Variants in CPTP observed in about 807,000 individuals in gnomAD.
The protein encoded by CPTP is GLTP domain-containing protein 1.
CPTP carries 5 observed loss-of-function variants against 5.7 expected under a neutral mutation model. The ratio of observed to expected loss-of-function variants is 0.88; its 90% CI spans 0.46 to 1.86. The LOEUF is 1.86. Among genes scored for constraint, CPTP ranks in the 40% most tolerant of loss-of-function variants. CPTP has a pLI of 0.01. For synonymous variants in CPTP, 166 were observed against 142.7 expected, an observed-to-expected ratio of 1.16 and a Z score of -1.16; for missense variants, 335 against 306.5, an observed-to-expected ratio of 1.09 and a Z score of -0.69.
At chr1:1,326,059 T>C (rs983629389) in intron 1 of CPTP, among the ~76,000 whole-genome samples, 2 of 151,660 alleles carry the variant, frequency 1.3e-5, no homozygotes, top group African/African-American at 4.9e-5. Context: ...ATCTGTGGAG[T>C]GACTATGTGA....
chr1:1,327,114 G>A (rs960855759), intron 2 of CPTP, 82 bp downstream of exon 2: 18 of 1,593,694 alleles, frequency 1.1e-5, no homozygotes, highest in Non-Finnish European at 1.4e-5. Context: ...CCGACTGCCT[G>A]TCCCCACCAG....
chr1:1,325,225 C>G (rs1643266204), intron 1 of CPTP, 123 bp downstream of exon 1: 1 of 152,464 alleles, frequency 6.6e-6, no homozygotes, highest in Non-Finnish European at 1.5e-5. Context: ...GTGCTCAGGC[C>G]GCCCTCGCGC....
At chr1:1,327,204 G>A in intron 2 of CPTP, 37 bp from the exon 3 acceptor site, 5 of 1,591,404 alleles carry the variant, frequency 3.1e-6, no homozygotes, top group South Asian at 1.1e-5. Context: ...GCTGCCCCAG[G>A]CCTGGGCGAG....
rs779768980 is a variant in CPTP, at chr1:1,327,585, G to A, written c.467G>A (p.Arg156His). The change falls in exon 3 of 3, where the codon CGC becomes CAC. Residue 156 changes from arginine to histidine, a missense_variant. By Grantham distance (29) the Arg-to-His change is conservative. Transcript: ENST00000343938. ...GCCTACCACCCCTGGGTCGTGCGCCGCGCCGTCACCGTGGCCTTCTGCACG... is the reference window on the plus strand; with the variant it reads ...GCCTACCACCCCTGGGTCGTGCGCCACGCCGTCACCGTGGCCTTCTGCACG... ...LAAYHPWVVR[R>H]AVTVAFCTLP... The A allele has an allele frequency of 4.1e-5, 66 of 1,608,446 alleles. No homozygotes were observed. Among genetic ancestry groups the A allele is most frequent in the East Asian group, 2.0e-4 (9 of 44,760 alleles).
chr1:1,327,193 G>A, intron 2 of CPTP, 48 bp from the exon 3 acceptor site: 1 of 1,587,330 alleles, frequency 6.3e-7, no homozygotes, highest in East Asian at 2.2e-5. Flanking sequence ...ACCCCAGGCG[G>A]GCTGCCCCAG....
Position 1,327,351 on chromosome 1 carries a change from G to C in CPTP, c.233G>C (p.Ser78Thr), listed in dbSNP as rs775464412. 1 of 1,598,578 alleles carries C rather than the reference G, an allele frequency of 6.3e-7. No individual in the cohort carries two copies. The highest frequency in any genetic ancestry group is 8.5e-7 in the Non-Finnish European group (1 of 1,179,246). ...GGCCCGCAGAGCGAGCACTACCGCA[G>C]CCTGCAGGCCATGGTGGCCCACGAG... Reference protein sequence around the residue: ...RGGPQSEHYRSLQAMVAHELS... With the variant: ...RGGPQSEHYRTLQAMVAHELS... Residue 78 changes from serine to threonine, a missense_variant, in exon 3 of 3, where the codon AGC (serine) becomes ACC (threonine). Physicochemically the swap from Ser to Thr is moderately conservative, Grantham distance 58. Transcript: ENST00000343938.
chr1:1,328,051 G>A lies in CPTP; in HGVS notation c.*288G>A, dbSNP rs1643349754. 3 of 503,216 alleles carry A rather than the reference G, an allele frequency of 6.0e-6. No homozygotes were observed. Among genetic ancestry groups the A allele is most frequent in the South Asian group, 2.5e-5 (1 of 40,112 alleles). The allele number at this position is 503,216 out of a possible 1,614,324, so 31.2% of individuals were successfully genotyped here. The stretch of plus-strand genomic sequence containing the variant: ...CCTCGCCAGGGTGCGGTGCAGAGCA[G>A]AGCAGGCAGGGGTGGGGGCCGGGCC... On this transcript the variant is annotated 3_prime_UTR_variant, in exon 3 of 3. Coordinates refer to ENST00000343938, the MANE Select transcript of CPTP (RefSeq NM_001029885.2).
Position 1,328,032 on chromosome 1 carries a change from C to T in CPTP, c.*269C>T. On this transcript the variant is annotated 3_prime_UTR_variant, in exon 3 of 3. Transcript: ENST00000343938. Reference sequence around the variant, plus strand: ...ACACGCGTGCGCAGCCAGGCCTCGCCAGGGTGCGGTGCAGAGCAGAGCAGG... The same window carrying T: ...ACACGCGTGCGCAGCCAGGCCTCGCTAGGGTGCGGTGCAGAGCAGAGCAGG... 1.8e-6 allele frequency: 1 copy of T among 551,192 alleles called. No individual in the cohort carries two copies. The highest frequency in any genetic ancestry group is 2.2e-5 in the South Asian group (1 of 46,020). 34.1% of individuals were successfully genotyped at this position (551,192 alleles called of 1,614,324 possible).
In CPTP at chr1:1,327,501, G is replaced by A; in HGVS notation, c.383G>A (p.Ser128Asn). 6.4e-7 allele frequency: 1 copy of A among 1,574,136 alleles called. No homozygotes were observed. The highest frequency in any genetic ancestry group is 1.7e-4 in the Middle Eastern group (1 of 6,024). Residue 128 changes from serine (S) to asparagine (N), a missense_variant, in exon 3 of 3, where the codon AGC becomes AAC. Physicochemically the swap from Ser to Asn is conservative, Grantham distance 46 (BLOSUM62 1). Coordinates refer to ENST00000343938, the MANE Select transcript of CPTP (RefSeq NM_001029885.2). ...CTGTTCCTGGAGGGCCTGCGTACCAGCCCCGAGGACGCACGCACCTCCGCG... is the reference window on the plus strand; with the variant it reads ...CTGTTCCTGGAGGGCCTGCGTACCAACCCCGAGGACGCACGCACCTCCGCG... ...LQLFLEGLRT[S>N]PEDARTSALC...
Position 1,325,012 on chromosome 1 carries a change from C to T in CPTP, c.-166C>T, listed in dbSNP as rs868501688. The T allele has an allele frequency of 1.5e-5, 3 of 195,166 alleles. No homozygotes were observed. The highest frequency in any genetic ancestry group is 3.1e-5 in the Non-Finnish European group (3 of 96,754). 12.1% of individuals were successfully genotyped at this position (195,166 alleles called of 1,614,324 possible). The stretch of plus-strand genomic sequence containing the variant: ...GGTCGGCCCCTCCCCAACACCACCC[C>T]GGGCCTCCGCCCCTTCCTGGGCCTC... On this transcript the variant is annotated 5_prime_UTR_variant, in exon 1 of 3. Coordinates refer to ENST00000343938, the MANE Select transcript of CPTP (RefSeq NM_001029885.2).
intron 1 of CPTP, among the ~76,000 whole-genome samples, 198 bp from the exon 2 acceptor site, chr1:1,326,638 C>G (rs1009810997): frequency 2.0e-5 from 3 of 152,180 alleles, no homozygotes; most frequent in African/African-American, 7.2e-5. Context: ...AGTCAGTGGC[C>G]TGATCCACAG....
chr1:1,327,887 G>T lies in CPTP; in HGVS notation c.*124G>T. The T allele has an allele frequency of 8.9e-7, 1 of 1,121,408 alleles. No individual in the cohort carries two copies. Among genetic ancestry groups the T allele is most frequent in the Non-Finnish European group, 1.3e-6 (1 of 781,862 alleles). 69.5% of individuals were successfully genotyped at this position (1,121,408 alleles called of 1,614,324 possible). A position where few individuals can be genotyped will look rare whatever the true frequency, so the allele number is the denominator to read the frequency against. On this transcript the variant is annotated 3_prime_UTR_variant, in exon 3 of 3. Transcript: ENST00000343938. ...GAACAGGAGATCCTCTGTCGCCCCT[G>T]TGAGCTGAGCTGGTTAGGAACCACA...
At position 1,327,670 on chromosome 1, in the gene CPTP, G is replaced by A. The variant is rs753111280; in HGVS notation, c.552G>A (p.Val184=). ...ACGTGGGGCCCCCGGAGCAGGCCGT[G>A]CAGATGCTAGGCGAGGCCCTCCCCT... ...AMNVGPPEQA[V]QMLGEALPFI... Residue 184 remains valine, a synonymous_variant, in exon 3 of 3, where the codon GTG becomes GTA. Coordinates refer to ENST00000343938, the MANE Select transcript of CPTP (RefSeq NM_001029885.2). The A allele has an allele frequency of 3.7e-6, 6 of 1,612,776 alleles. No individual in the cohort carries two copies. The South Asian group carries it at 4.4e-5, about 12-fold the overall frequency.
Position 1,327,833 on chromosome 1 carries a change from C to T in CPTP, c.*70C>T. The T allele has an allele frequency of 6.5e-7, 1 of 1,547,130 alleles. No individual in the cohort carries two copies. The highest frequency in any genetic ancestry group is 8.8e-7 in the Non-Finnish European group (1 of 1,137,754). On this transcript the variant is annotated 3_prime_UTR_variant, in exon 3 of 3. Transcript: ENST00000343938. ...GGCTGCGGTGGCCAGGGCCGTGAGT[C>T]CCGTGGCAGAGCCTTCTGGGCGCTG...
intron 1 of CPTP, among the ~76,000 whole-genome samples, chr1:1,325,826 T>C (rs1220186844): frequency 6.6e-6 from 1 of 152,130 alleles, no homozygotes; most frequent in Non-Finnish European, 1.5e-5. Context: ...CTGGGTGCCC[T>C]TCCCCCTCCC....
At position 1,328,042 on chromosome 1, in the gene CPTP, T is replaced by TGCAGA. The variant is rs543122386; in HGVS notation, c.*289_*293dup. On this transcript the variant is annotated 3_prime_UTR_variant, in exon 3 of 3. Coordinates refer to ENST00000343938, the MANE Select transcript of CPTP (RefSeq NM_001029885.2). ...GCAGCCAGGCCTCGCCAGGGTGCGG[T>TGCAGA]GCAGAGCAGAGCAGGCAGGGGTGGG... 4 of 524,902 alleles carry TGCAGA rather than the reference T, an allele frequency of 7.6e-6. No individual in the cohort carries two copies. Among genetic ancestry groups the TGCAGA allele is most frequent in the East Asian group, 6.8e-5 (2 of 29,526 alleles). The allele number at this position is 524,902 out of a possible 1,614,324, so 32.5% of individuals were successfully genotyped here.
chr1:1,328,133 G>A lies in CPTP; in HGVS notation c.*370G>A, dbSNP rs1643351415. The A allele has an allele frequency of 9.0e-6, 3 of 334,838 alleles. No individual in the cohort carries two copies. Among genetic ancestry groups the A allele is most frequent in the Non-Finnish European group, 1.7e-5 (3 of 180,404 alleles). The allele number at this position is 334,838 out of a possible 1,614,324, so 20.7% of individuals were successfully genotyped here. On this transcript the variant is annotated 3_prime_UTR_variant, in exon 3 of 3. Transcript: ENST00000343938. ...CCTGTGGGGTGCATCTGCGAACCAG[G>A]GTGAAGTCACAGGTCCCGGGGTGTG...
rs1569626945 is a variant in CPTP, at chr1:1,328,064, T to G, written c.*301T>G. The stretch of plus-strand genomic sequence containing the variant: ...CGGTGCAGAGCAGAGCAGGCAGGGG[T>G]GGGGGCCGGGCCTGCAAGAGCCCGA... On this transcript the variant is annotated 3_prime_UTR_variant, in exon 3 of 3. Coordinates refer to ENST00000343938, the MANE Select transcript of CPTP (RefSeq NM_001029885.2). 1 of 486,400 alleles carries G rather than the reference T, an allele frequency of 2.1e-6. No homozygotes were observed. 30.1% of individuals were successfully genotyped at this position (486,400 alleles called of 1,614,324 possible).
rs1170203233 is a variant in CPTP, at chr1:1,327,500, A to G, written c.382A>G (p.Ser128Gly). Residue 128 changes from serine (S) to glycine (G), a missense_variant, in exon 3 of 3, where the codon AGC becomes GGC. Ser to Gly is a moderately conservative substitution (Grantham distance 56). Coordinates refer to ENST00000343938, the MANE Select transcript of CPTP (RefSeq NM_001029885.2). ...LQLFLEGLRTSPEDARTSALC... is the reference protein window; with the variant it reads ...LQLFLEGLRTGPEDARTSALC... ...GCTGTTCCTGGAGGGCCTGCGTACCAGCCCCGAGGACGCACGCACCTCCGC... is the reference window on the plus strand; with the variant it reads ...GCTGTTCCTGGAGGGCCTGCGTACCGGCCCCGAGGACGCACGCACCTCCGC... The G allele has an allele frequency of 6.4e-7, 1 of 1,573,826 alleles. No homozygotes were observed. Among genetic ancestry groups the G allele is most frequent in the East Asian group, 2.3e-5 (1 of 42,806 alleles).
Sources: gnomAD v4.1 joint callset for allele counts (sites outside exome capture counted in the v4.1 genomes callset) on GRCh38, gnomAD v4.1.1 for gene constraint, MANE v1.5 for transcripts, NCBI Gene and HGNC (gene_info 2026-07-23, HGNC 2026-07-21) for gene names.